The following GPHN variants were observed in gnomAD, a reference collection of about 807,000 sequenced individuals.
The protein encoded by GPHN is gephyrin.
In GPHN, 17 loss-of-function variants were observed where a neutral mutation model predicts 95.5. That is an observed-to-expected ratio of 0.18 (90% CI 0.12 to 0.27). GPHN has a LOEUF of 0.27. Among genes scored for constraint, GPHN ranks in the 10% least tolerant of loss-of-function variants. The probability of loss-of-function intolerance (pLI) is 1.00; values close to 1 mark genes in which losing one functional copy is unlikely to be tolerated. For missense variants in GPHN, 660 were observed against 978.1 expected, an observed-to-expected ratio of 0.67 and a Z score of 4.34; for synonymous variants, 320 against 322.5, an observed-to-expected ratio of 0.99 and a Z score of 0.08.
the GPHN span, among the ~76,000 whole-genome samples, chr14:67,253,590 A>G: frequency 6.6e-6 from 1 of 152,174 alleles, no homozygotes; most frequent in Non-Finnish European, 1.5e-5. Context: ...TATGCCTGTA[A>G]TCCCAGCACT....
intron 1 of GPHN, among the ~76,000 whole-genome samples, chr14:66,658,959 C>G (rs1224190987): frequency 6.7e-6 from 1 of 148,948 alleles, no homozygotes; most frequent in Non-Finnish European, 1.5e-5. Context: ...GGTTTGTGCT[C>G]TTTATTATTT....
At chr14:66,701,821 C>CTA (rs774017307) in intron 2 of GPHN, among the ~76,000 whole-genome samples, 5 of 152,214 alleles carry the variant, frequency 3.3e-5, no homozygotes, top group Non-Finnish European at 4.4e-5. Flanking sequence ...TGCCTACTGT[C>CTA]TAAGCCATTT....
intron 1 of GPHN, among the ~76,000 whole-genome samples, chr14:66,659,496 T>G (rs1321265533): frequency 3.3e-5 from 5 of 152,152 alleles, no homozygotes; most frequent in Non-Finnish European, 7.4e-5. Context: ...ATATAACTAG[T>G]TCTTTCTAAT....
At chr14:67,248,529 CAT>C in the GPHN span, among the ~76,000 whole-genome samples, 1 of 152,254 alleles carries the variant, frequency 6.6e-6, no homozygotes, top group South Asian at 2.1e-4. Flanking sequence ...CTTTCTGTCT[CAT>C]ATAATTTTAT....
chr14:67,515,509 G>A, the GPHN span: 1 of 155,926 alleles, frequency 6.4e-6, no homozygotes, highest in East Asian at 1.9e-4. Context: ...CCTGCCGCCC[G>A]GCTTAACTCC....
chr14:66,955,153 A>T (rs893659527), intron 8 of GPHN, among the ~76,000 whole-genome samples: 1 of 152,172 alleles, frequency 6.6e-6, no homozygotes, highest in African/African-American at 2.4e-5. Context: ...CCCTCCTCAT[A>T]TTTTGTAGAA....
intron 2 of GPHN, among the ~76,000 whole-genome samples, chr14:66,693,458 A>G (rs1313446925): frequency 6.6e-6 from 1 of 152,224 alleles, no homozygotes; most frequent in African/African-American, 2.4e-5. Context: ...ATACATACAT[A>G]TATACATACG....
the GPHN span, chr14:67,340,575 A>G: frequency 7.3e-7 from 1 of 1,369,168 alleles, no homozygotes; most frequent in Non-Finnish European, 1.0e-6. Flanking sequence ...TTTTCAAATT[A>G]TCAGTGCTCA....
the GPHN span, among the ~76,000 whole-genome samples, chr14:67,309,083 G>C: frequency 6.6e-6 from 1 of 152,108 alleles, no homozygotes. Context: ...GTAAACAGAA[G>C]ATTTTGTTTT....
the GPHN span, among the ~76,000 whole-genome samples, chr14:67,474,642 G>T: frequency 6.6e-6 from 1 of 152,156 alleles, no homozygotes; most frequent in South Asian, 2.1e-4. Flanking sequence ...TTGTGCAACT[G>T]TCACCACCAA....
chr14:67,156,729 C>G (rs1004911230), intron 18 of GPHN, among the ~76,000 whole-genome samples: 2 of 152,080 alleles, frequency 1.3e-5, no homozygotes, highest in African/African-American at 2.4e-5. Context: ...ATAATCCCAG[C>G]ACTTTAGGAG....
intron 9 of GPHN, among the ~76,000 whole-genome samples, chr14:67,014,307 A>G (rs1421655200): frequency 6.6e-6 from 1 of 152,150 alleles, no homozygotes; most frequent in Non-Finnish European, 1.5e-5. Flanking sequence ...GATAGATGTT[A>G]TTATTATCTT....
chr14:67,570,086 C>T, the GPHN span: 15 of 1,064,350 alleles, frequency 1.4e-5, no homozygotes, highest in Middle Eastern at 2.0e-4. Context: ...ATGACTGGGG[C>T]GGGGCTCTAG....
chr14:67,349,228 T>G, the GPHN span: 2 of 936,012 alleles, frequency 2.1e-6, no homozygotes, highest in Non-Finnish European at 3.2e-6. Flanking sequence ...TATGTTTTGA[T>G]AACTGTCCTT....
chr14:66,625,205 T>C (rs1374568808), intron 1 of GPHN, among the ~76,000 whole-genome samples: 1 of 152,040 alleles, frequency 6.6e-6, no homozygotes, highest in African/African-American at 2.4e-5. Flanking sequence ...TAGCCTCCCA[T>C]GTAACTGGAA....
intron 3 of GPHN, among the ~76,000 whole-genome samples, chr14:66,802,262 C>T (rs537235020): frequency 2.0e-5 from 3 of 152,256 alleles, no homozygotes; most frequent in South Asian, 4.1e-4. Context: ...AGGCTTATGG[C>T]GAGTACTGCC....
the GPHN span, chr14:67,279,357 C>G: frequency 3.1e-6 from 5 of 1,613,528 alleles, no homozygotes; most frequent in African/African-American, 1.3e-5. Context: ...TCGGCAACAA[C>G]AGGAGGACAT....
In GPHN at chr14:67,036,424, G is replaced by C. The variant is rs548269061; in HGVS notation, c.1006+12749G>C. ...AAAATGCATCCCAAATGGAAAGAAA[G>C]AAGTAAAATTATCTCTGTTTCCAGA... is the stretch of plus-strand genomic sequence containing the variant. On this transcript the variant is annotated intron_variant, in intron 10 of 22. Coordinates refer to ENST00000478722, the MANE Select transcript of GPHN (RefSeq NM_020806.5). Among the ~76,000 whole-genome samples, 4 of 149,222 alleles carry C rather than the reference G, an allele frequency of 2.7e-5. No homozygotes were observed. The East Asian group carries it at 8.0e-4, about 30-fold the overall frequency.
chr14:67,123,583 T>C (rs1031994352), intron 17 of GPHN, among the ~76,000 whole-genome samples: 1 of 151,928 alleles, frequency 6.6e-6, no homozygotes, highest in Non-Finnish European at 1.5e-5. Flanking sequence ...GGCTGAGGCA[T>C]GAGAATCATT....
Sources: allele counts gnomAD v4.1 joint callset (sites outside exome capture counted in the v4.1 genomes callset), GRCh38; gene constraint gnomAD v4.1.1; transcripts MANE v1.5; gene names NCBI Gene and HGNC (gene_info 2026-07-23, HGNC 2026-07-21).